Variants in SIL1 observed in about 807,000 individuals in gnomAD.
SIL1 encodes the protein SIL1 nucleotide exchange factor.
In SIL1, 40 loss-of-function variants were observed where a neutral mutation model predicts 49.1. The ratio of observed to expected loss-of-function variants is 0.81; its 90% CI spans 0.63 to 1.06. The LOEUF is 1.06. Ranked by LOEUF, SIL1 falls within the 50% of genes least tolerant of loss-of-function variation. SIL1 has a pLI of 0.00. For synonymous variants in SIL1, 253 were observed against 250.8 expected, an observed-to-expected ratio of 1.01 and a Z score of -0.08; for missense variants, 500 against 572.6, an observed-to-expected ratio of 0.87 and a Z score of 1.29.
At chr5:138,993,105 G>A (rs926049660) in intron 7 of SIL1, among the ~76,000 whole-genome samples, 1 of 152,108 alleles carries the variant, frequency 6.6e-6, no homozygotes, top group African/African-American at 2.4e-5. Context: ...GGGAGGTATG[G>A]CCAAGGCACT....
chr5:138,951,723 C>T (rs1766782757), intron 8 of SIL1, 65 bp downstream of exon 8: 2 of 1,451,772 alleles, frequency 1.4e-6, no homozygotes, highest in Non-Finnish European at 1.9e-6. Flanking sequence ...TGGACAGGAA[C>T]CCTTTCCTTT....
At position 138,958,119 on chromosome 5, in the gene SIL1, C is replaced by T. The variant is rs114491689; in HGVS notation, c.768-6235G>A. Among the ~76,000 whole-genome samples the T allele has an allele frequency of 5.7e-3, 871 of 152,280 alleles. 11 individuals are homozygous for T. Among genetic ancestry groups the T allele is most frequent in the African/African-American group, 0.02 (823 of 41,562 alleles). ...ACCCCACGTCCGATTTATGCCCATACGATGTACACAGCAGCCTGTCTCCTT... is the reference window on the plus strand; with the variant it reads ...ACCCCACGTCCGATTTATGCCCATATGATGTACACAGCAGCCTGTCTCCTT... On this transcript the variant is annotated intron_variant, in intron 7 of 9. Coordinates refer to ENST00000394817, the MANE Select transcript of SIL1 (RefSeq NM_022464.5).
intron 1 of SIL1, among the ~76,000 whole-genome samples, chr5:139,157,909 T>C (rs948640013): frequency 3.9e-5 from 6 of 152,188 alleles, no homozygotes; most frequent in African/African-American, 1.4e-4. Flanking sequence ...GCTAGATGCT[T>C]TTCCTCTCCC....
At chr5:139,175,431 CACAA>C (rs1260842396) in intron 1 of SIL1, among the ~76,000 whole-genome samples, 1 of 152,290 alleles carries the variant, frequency 6.6e-6, no homozygotes, top group Non-Finnish European at 1.5e-5. Flanking sequence ...AAGACTGAAT[CACAA>C]ACAAATAGAA....
intron 7 of SIL1, among the ~76,000 whole-genome samples, chr5:139,007,169 C>T (rs1427420553): frequency 2.1e-5 from 3 of 146,034 alleles, no homozygotes; most frequent in East Asian, 2.0e-4. Flanking sequence ...TTGAAGAGGT[C>T]CTTCACATCC....
intron 1 of SIL1, among the ~76,000 whole-genome samples, chr5:139,174,860 C>T (rs1383301505): frequency 7.4e-6 from 1 of 134,442 alleles, no homozygotes; most frequent in Non-Finnish European, 1.5e-5. Flanking sequence ...ATCACTTGAA[C>T]ATGGGAAGCA....
At chr5:138,987,499 G>A (rs371712170) in intron 7 of SIL1, among the ~76,000 whole-genome samples, 1 of 152,350 alleles carries the variant, frequency 6.6e-6, no homozygotes, top group South Asian at 2.1e-4. Flanking sequence ...AGGGAGGTCA[G>A]GGAAGATAGG....
chr5:139,149,075 G>C (rs1233227816), intron 1 of SIL1, among the ~76,000 whole-genome samples: 1 of 151,962 alleles, frequency 6.6e-6, no homozygotes, highest in Non-Finnish European at 1.5e-5. Flanking sequence ...CCTGGCTTCG[G>C]AGAAGCCAGG....
At chr5:138,996,444 T>C (rs1767872151) in intron 7 of SIL1, among the ~76,000 whole-genome samples, 1 of 152,116 alleles carries the variant, frequency 6.6e-6, no homozygotes, top group Non-Finnish European at 1.5e-5. Flanking sequence ...GATGGATAGT[T>C]TGCAAATTAT....
chr5:139,095,657 C>T (rs1279999091), intron 3 of SIL1, among the ~76,000 whole-genome samples: 3 of 152,172 alleles, frequency 2.0e-5, no homozygotes, highest in South Asian at 2.1e-4. Flanking sequence ...GCAAAAAATA[C>T]AAAATTACAA....
At chr5:138,972,227 G>A (rs1178200295) in intron 7 of SIL1, among the ~76,000 whole-genome samples, 1 of 152,228 alleles carries the variant, frequency 6.6e-6, no homozygotes, top group Admixed American at 6.5e-5. Context: ...CCCGCCGAAA[G>A]CAGTGGTGCT....
chr5:139,098,843 G>A (rs1335644153), intron 3 of SIL1, among the ~76,000 whole-genome samples: 8 of 132,020 alleles, frequency 6.1e-5, no homozygotes, highest in African/African-American at 2.4e-4. Context: ...TTGAGAGGGA[G>A]TCTCGCTCTG....
chr5:139,092,555 G>A lies in SIL1; in HGVS notation c.244+28480C>T, dbSNP rs77768708. On this transcript the variant is annotated intron_variant, in intron 3 of 9. Coordinates refer to ENST00000394817, the MANE Select transcript of SIL1 (RefSeq NM_022464.5). ...AAAGAAATCTATAGCCCCAAGCCCA[G>A]CCCAATTTTTGTGCCCAGCAGGAAC... 1.9e-3 allele frequency among the ~76,000 whole-genome samples: 294 copies of A among 152,250 alleles called. 1 individual carries two copies. The highest frequency in any genetic ancestry group is 6.5e-3 in the African/African-American group (269 of 41,546).
chr5:139,056,842 C>A (rs1050051203), intron 3 of SIL1, among the ~76,000 whole-genome samples: 15 of 151,906 alleles, frequency 9.9e-5, no homozygotes, highest in African/African-American at 2.9e-4. Flanking sequence ...TGAGAACGGG[C>A]CATGATGACA....
chr5:139,035,206 G>A, intron 5 of SIL1: 1 of 428,096 alleles, frequency 2.3e-6, no homozygotes, highest in Non-Finnish European at 4.5e-6. Context: ...GTCATGAGGT[G>A]ACGGCCATCA....
rs200818412 is a variant in SIL1, at chr5:139,159,563, G to GA, written c.-10-31711dup. On this transcript the variant is annotated intron_variant, in intron 1 of 9. Coordinates refer to ENST00000394817, the MANE Select transcript of SIL1 (RefSeq NM_022464.5). Reference sequence around the variant, plus strand: ...TTTAAGAGCTTTGAGGCTTCTTGGGGAAAAAAAAAATCACTAATTGTACCT... The same window carrying GA: ...TTTAAGAGCTTTGAGGCTTCTTGGGGAAAAAAAAAAATCACTAATTGTACCT... Among the ~76,000 whole-genome samples the GA allele has an allele frequency of 2.6e-3, 398 of 150,410 alleles. 2 individuals carry two copies. The highest frequency in any genetic ancestry group is 0.014 in the Middle Eastern group (4 of 292).
At chr5:139,061,602 G>T (rs1051677187) in intron 3 of SIL1, among the ~76,000 whole-genome samples, 1 of 152,152 alleles carries the variant, frequency 6.6e-6, no homozygotes, top group Non-Finnish European at 1.5e-5. Flanking sequence ...AATTTATCGT[G>T]TCTGTTTTCC....
At chr5:139,041,050 A>G (rs1769037203) in intron 5 of SIL1, among the ~76,000 whole-genome samples, 1 of 152,150 alleles carries the variant, frequency 6.6e-6, no homozygotes, top group Non-Finnish European at 1.5e-5. Flanking sequence ...CATGGAACCG[A>G]CAGTGGGTGG....
At chr5:139,061,179 T>C (rs1372170606) in intron 3 of SIL1, among the ~76,000 whole-genome samples, 3 of 152,214 alleles carry the variant, frequency 2.0e-5, no homozygotes, top group African/African-American at 7.2e-5. Flanking sequence ...CAGTGTCCAG[T>C]GCTTAGAAAC....
Sources: gnomAD v4.1 joint callset for allele counts (sites outside exome capture counted in the v4.1 genomes callset) on GRCh38, gnomAD v4.1.1 for gene constraint, MANE v1.5 for transcripts, NCBI Gene and HGNC (gene_info 2026-07-23, HGNC 2026-07-21) for gene names.